FER: variants seen among roughly 807,000 people sequenced by gnomAD.
The protein encoded by FER is FER tyrosine kinase.
In FER, 63 loss-of-function variants were observed where a neutral mutation model predicts 111.0. That is an observed-to-expected ratio of 0.57 (90% CI 0.46 to 0.70). The LOEUF (loss-of-function observed/expected upper bound fraction) is 0.70, where lower values mean the gene tolerates loss of function less well. Among genes scored for constraint, FER ranks in the 30% least tolerant of loss-of-function variants. The probability of loss-of-function intolerance (pLI) is 0.00; values close to 1 mark genes in which losing one functional copy is unlikely to be tolerated. For missense variants in FER, 914 were observed against 954.0 expected (o/e 0.96, Z 0.55); for synonymous variants, 327 against 313.9 (o/e 1.04, Z -0.44).
chr5:108,951,568 A>G (rs1757753155), intron 11 of FER, among the ~76,000 whole-genome samples: 1 of 152,234 alleles, frequency 6.6e-6, no homozygotes, highest in Non-Finnish European at 1.5e-5. Flanking sequence ...AATTAATGTT[A>G]ATAACTAAAT....
chr5:108,917,805 A>T (rs565598484), intron 10 of FER, among the ~76,000 whole-genome samples: 9 of 152,382 alleles, frequency 5.9e-5, no homozygotes, highest in Non-Finnish European at 1.0e-4. Flanking sequence ...GCCAAGGAGC[A>T]TGATGTCACC....
At position 109,018,039 on chromosome 5, in the gene FER, A is replaced by G. The variant is rs1401059776; in HGVS notation, c.1657-19383A>G. The stretch of plus-strand genomic sequence containing the variant: ...ATAGTAGGGAAAGAAAGCATCATGT[A>G]TGTATGGTCAACCTATTGTCTCCTG... On this transcript the variant is annotated intron_variant, in intron 13 of 19. Coordinates refer to ENST00000281092, the MANE Select transcript of FER (RefSeq NM_005246.4). 2.0e-5 allele frequency among the ~76,000 whole-genome samples: 3 copies of G among 151,826 alleles called. 1 individual carries two copies. The highest frequency in any genetic ancestry group is 3.9e-4 in the East Asian group (2 of 5,188).
intron 2 of FER, among the ~76,000 whole-genome samples, chr5:108,787,991 A>T (rs1282408244): frequency 6.6e-6 from 1 of 152,214 alleles, no homozygotes; most frequent in Non-Finnish European, 1.5e-5. Context: ...TAACACGAGC[A>T]CAGTAGAAAC....
chr5:109,163,659 C>G (rs1199637411), intron 17 of FER, among the ~76,000 whole-genome samples: 1 of 152,138 alleles, frequency 6.6e-6, no homozygotes, highest in Non-Finnish European at 1.5e-5. Flanking sequence ...GTTGCCCAGG[C>G]TGGTCTTGAA....
intron 13 of FER, among the ~76,000 whole-genome samples, chr5:108,981,076 T>G (rs925164908): frequency 2.0e-5 from 3 of 152,006 alleles, no homozygotes; most frequent in Admixed American, 2.0e-4. Flanking sequence ...CACAGTAAAG[T>G]GAAGCACAAT....
intron 17 of FER, among the ~76,000 whole-genome samples, chr5:109,156,163 G>A (rs751467926): frequency 6.6e-6 from 1 of 151,916 alleles, no homozygotes; most frequent in Non-Finnish European, 1.5e-5. Flanking sequence ...TGTAGACAAC[G>A]CTTAAAGCAA....
In FER at chr5:109,158,328, C is replaced by T. The variant is rs116728540; in HGVS notation, c.2049-22419C>T. 7.6e-3 allele frequency among the ~76,000 whole-genome samples: 1,160 copies of T among 151,934 alleles called. 15 individuals carry two copies. The highest frequency in any genetic ancestry group is 0.026 in the African/African-American group (1,097 of 41,438). ...TTGAGGTAGATGAATCACCTGAACCCGGAAGTCAAAGCTGCAGTGAGCTCT... is the reference window on the plus strand; with the variant it reads ...TTGAGGTAGATGAATCACCTGAACCTGGAAGTCAAAGCTGCAGTGAGCTCT... On this transcript the variant is annotated intron_variant, in intron 17 of 19. Transcript: ENST00000281092.
intron 13 of FER, among the ~76,000 whole-genome samples, chr5:108,971,344 T>C (rs559622272): frequency 7.1e-6 from 1 of 140,042 alleles, no homozygotes; most frequent in African/African-American, 2.6e-5. Context: ...AAATAAGTAA[T>C]GGTAGGAATT....
chr5:109,128,037 A>G (rs1302787745), intron 17 of FER, among the ~76,000 whole-genome samples: 1 of 152,182 alleles, frequency 6.6e-6, no homozygotes, highest in Non-Finnish European at 1.5e-5. Context: ...ACCGTTAATC[A>G]GAAATTTTAT....
At chr5:109,062,202 A>G (rs1774507045) in intron 16 of FER, among the ~76,000 whole-genome samples, 1 of 152,196 alleles carries the variant, frequency 6.6e-6, no homozygotes, top group Non-Finnish European at 1.5e-5. Flanking sequence ...GGACTTTTAA[A>G]AGTGACAAGC....
At chr5:108,983,728 T>C (rs2149727555) in intron 13 of FER, among the ~76,000 whole-genome samples, 1 of 152,230 alleles carries the variant, frequency 6.6e-6, no homozygotes, top group East Asian at 1.9e-4. Context: ...ATCAAGGTCA[T>C]AGAGGAGCAA....
intron 13 of FER, among the ~76,000 whole-genome samples, chr5:108,970,558 G>A (rs1162049426): frequency 6.6e-6 from 1 of 151,916 alleles, no homozygotes; most frequent in African/African-American, 2.4e-5. Context: ...CCAATAAGTT[G>A]GTTTCTTGAA....
chr5:109,186,910 T>TCTAA (rs1267464415), intron 19 of FER, among the ~76,000 whole-genome samples: 2 of 152,228 alleles, frequency 1.3e-5, no homozygotes, highest in Non-Finnish European at 2.9e-5. Flanking sequence ...AAGATGCCTT[T>TCTAA]CTAACTTCCT....
chr5:109,135,066 A>T (rs1454036337), intron 17 of FER, among the ~76,000 whole-genome samples: 1 of 152,244 alleles, frequency 6.6e-6, no homozygotes, highest in East Asian at 1.9e-4. Flanking sequence ...GATAGGAAGG[A>T]GCATACTAAG....
chr5:108,933,159 G>A (rs1754938844), intron 10 of FER, among the ~76,000 whole-genome samples: 1 of 152,090 alleles, frequency 6.6e-6, no homozygotes, highest in South Asian at 2.1e-4. Flanking sequence ...TAGTCATGAA[G>A]TGTTTGCCCA....
At chr5:108,820,895 G>T (rs1296417091) in intron 3 of FER, among the ~76,000 whole-genome samples, 1 of 152,162 alleles carries the variant, frequency 6.6e-6, no homozygotes, top group East Asian at 1.9e-4. Context: ...GGAGGCCAAG[G>T]TGGGCGAATC....
intron 3 of FER, among the ~76,000 whole-genome samples, chr5:108,825,726 A>G (rs1328208953): frequency 1.3e-5 from 2 of 152,226 alleles, no homozygotes; most frequent in African/African-American, 4.8e-5. Context: ...CTTAGAGATT[A>G]CAGTAAAGAC....
At chr5:109,085,147 C>A (rs1777419648) in intron 16 of FER, among the ~76,000 whole-genome samples, 1 of 151,776 alleles carries the variant, frequency 6.6e-6, no homozygotes, top group Non-Finnish European at 1.5e-5. Flanking sequence ...TGTATTAATT[C>A]TGTAAATCAA....
intron 2 of FER, among the ~76,000 whole-genome samples, chr5:108,771,288 A>G (rs953226412): frequency 2.0e-5 from 3 of 152,204 alleles, no homozygotes; most frequent in Non-Finnish European, 4.4e-5. Flanking sequence ...TGTGCTGTCT[A>G]TAAAAGGCAT....
Sources: allele counts gnomAD v4.1 joint callset (sites outside exome capture counted in the v4.1 genomes callset), GRCh38; gene constraint gnomAD v4.1.1; transcripts MANE v1.5; gene names NCBI Gene and HGNC (gene_info 2026-07-23, HGNC 2026-07-21).